VLDLR: variants seen among roughly 807,000 people sequenced by gnomAD.
The protein encoded by VLDLR is very low-density lipoprotein receptor.
A neutral mutation model predicts 112.7 loss-of-function variants in VLDLR; 81 were observed. The observed-to-expected ratio is 0.72, with a 90% CI of 0.60 to 0.86. The LOEUF (loss-of-function observed/expected upper bound fraction) is 0.86. Ranked by LOEUF, VLDLR falls within the 40% of genes least tolerant of loss-of-function variation. VLDLR has a pLI of 0.00. For synonymous variants in VLDLR, 436 were observed against 384.8 expected (o/e 1.13, Z -1.56); for missense variants, 1,237 against 1,099.4 (o/e 1.13, Z -1.77).
chr9:2,653,694 C>G, intron 18 of VLDLR, 139 bp from the exon 19 acceptor site: 4 of 858,302 alleles, frequency 4.7e-6, no homozygotes, highest in Non-Finnish European at 8.0e-6. Flanking sequence ...ACTCAGTATT[C>G]TTTTGTATCT....
intron 2 of VLDLR, 78 bp from the exon 3 acceptor site, chr9:2,639,781 T>C: frequency 8.1e-6 from 13 of 1,610,518 alleles, no homozygotes; most frequent in Non-Finnish European, 1.1e-5. Context: ...CATGCCAAAA[T>C]GCAGTATGAG....
At position 2,629,204 on chromosome 9, in the gene VLDLR, G is replaced by T. The variant is rs201128939; in HGVS notation, c.83-6249G>T. 2.6e-5 allele frequency among the ~76,000 whole-genome samples: 4 copies of T among 152,204 alleles called. No individual in the cohort carries two copies. The East Asian group carries it at 7.7e-4, about 29-fold the overall frequency. Reference sequence around the variant, plus strand: ...TTCCTGGGGATTCTGATGCACACGGGAGCTTGAGAACGACTGACTTAGTTT... The same window carrying T: ...TTCCTGGGGATTCTGATGCACACGGTAGCTTGAGAACGACTGACTTAGTTT... On this transcript the variant is annotated intron_variant, in intron 1 of 18. Transcript: ENST00000382100.
chr9:2,644,880 C>G, intron 8 of VLDLR, 27 bp downstream of exon 8: 1 of 1,614,098 alleles, frequency 6.2e-7, no homozygotes, highest in Non-Finnish European at 8.5e-7. Flanking sequence ...AACCTGGACC[C>G]TGCAGGTGAT....
At chr9:2,641,204 C>T (rs531906381) in intron 3 of VLDLR, among the ~76,000 whole-genome samples, 173 bp from the exon 4 acceptor site, 25 of 152,296 alleles carry the variant, frequency 1.6e-4, no homozygotes, top group African/African-American at 5.1e-4. Flanking sequence ...GTTGGCACAG[C>T]TTCTAAGGAG....
chr9:2,634,669 C>A (rs986975114), intron 1 of VLDLR, among the ~76,000 whole-genome samples: 1 of 152,234 alleles, frequency 6.6e-6, no homozygotes, highest in East Asian at 1.9e-4. Flanking sequence ...CTCCACCTCA[C>A]TTTCCTTTCC....
chr9:2,649,395 T>G (rs1818217414), intron 14 of VLDLR, among the ~76,000 whole-genome samples: 1 of 151,900 alleles, frequency 6.6e-6, no homozygotes, highest in African/African-American at 2.4e-5. Flanking sequence ...GCTTTCTTTC[T>G]TTTTCTGTTT....
chr9:2,635,593 CTT>C (rs1554619792), intron 2 of VLDLR, 21 bp downstream of exon 2: 6 of 1,613,706 alleles, frequency 3.7e-6, no homozygotes, highest in Non-Finnish European at 5.1e-6. Context: ...AGTTTGATGA[CTT>C]ATGCATTTTG....
At position 2,648,709 on chromosome 9, in the gene VLDLR, A is replaced by G. The variant is rs201696336; in HGVS notation, c.2003A>G (p.Tyr668Cys). ...YWIDGENEAV[Y>C]GANKFTGSEL... ...ATAGATGGGGAAAATGAAGCAGTCT[A>G]TGGTGCCAATAAATTCACTGGATCA... The change falls in exon 14 of 19, where the codon TAT becomes TGT. Residue 668 changes from tyrosine (Y) to cysteine (C), a missense_variant. Transcript: ENST00000382100. 26 of 1,614,082 alleles carry G rather than the reference A, an allele frequency of 1.6e-5. No individual in the cohort carries two copies. The highest frequency in any genetic ancestry group is 2.7e-5 in the African/African-American group (2 of 74,916).
At chr9:2,625,678 A>C (rs1168820753) in intron 1 of VLDLR, among the ~76,000 whole-genome samples, 1 of 152,202 alleles carries the variant, frequency 6.6e-6, no homozygotes, top group African/African-American at 2.4e-5. Context: ...ATAAATTCAA[A>C]ATTGCTTAGT....
chr9:2,627,829 C>G, intron 1 of VLDLR, among the ~76,000 whole-genome samples: 1 of 149,566 alleles, frequency 6.7e-6, no homozygotes, highest in Middle Eastern at 3.5e-3. Flanking sequence ...AACGCCACTG[C>G]ACTCCAGCCT....
Position 2,643,542 on chromosome 9 carries a change from T to C in VLDLR, c.820+11T>C. On this transcript the variant is annotated intron_variant, in intron 5 of 18. Transcript: ENST00000382100. Reference sequence around the variant, plus strand: ...ATGAGGTCAACTGTCGTAAGTAGCTTTCTAGCATGGCATGTTCAGTTCTCT... The same window carrying C: ...ATGAGGTCAACTGTCGTAAGTAGCTCTCTAGCATGGCATGTTCAGTTCTCT... 6.2e-7 allele frequency: 1 copy of C among 1,614,178 alleles called. No individual in the cohort carries two copies. The highest frequency in any genetic ancestry group is 8.5e-7 in the Non-Finnish European group (1 of 1,180,032).
At chr9:2,649,959 A>C (rs1818247875) in intron 14 of VLDLR, among the ~76,000 whole-genome samples, 1 of 152,120 alleles carries the variant, frequency 6.6e-6, no homozygotes, top group Non-Finnish European at 1.5e-5. Context: ...AAGCCTTCAA[A>C]CCTTCCTAAG....
intron 1 of VLDLR, among the ~76,000 whole-genome samples, chr9:2,633,346 A>G (rs1392827073): frequency 6.6e-6 from 1 of 152,092 alleles, no homozygotes; most frequent in Non-Finnish European, 1.5e-5. Flanking sequence ...CTTTAAGGCA[A>G]TAGTAGAGTA....
At chr9:2,644,153 G>GTTTTTTTT (rs59793046) in intron 7 of VLDLR, among the ~76,000 whole-genome samples, 194 bp downstream of exon 7, 36 of 96,356 alleles carry the variant, frequency 3.7e-4, no homozygotes, top group Admixed American at 6.6e-4. Context: ...TGTTTTTGTT[G>GTTTTTTTT]TTTTTTTTTT....
chr9:2,642,640 T>C (rs1387344195), intron 4 of VLDLR, among the ~76,000 whole-genome samples: 1 of 152,194 alleles, frequency 6.6e-6, no homozygotes, highest in Non-Finnish European at 1.5e-5. Context: ...TTTTTCAAAA[T>C]GGAAAGTGTT....
At chr9:2,629,890 A>T (rs1337219336) in intron 1 of VLDLR, among the ~76,000 whole-genome samples, 1 of 152,166 alleles carries the variant, frequency 6.6e-6, no homozygotes, top group African/African-American at 2.4e-5. Context: ...TCTACCTCCC[A>T]GGTTCAAACA....
chr9:2,637,062 A>C (rs980428107), intron 2 of VLDLR, among the ~76,000 whole-genome samples: 2 of 152,236 alleles, frequency 1.3e-5, no homozygotes, highest in African/African-American at 4.8e-5. Flanking sequence ...ATGTATATCT[A>C]ATCAAGATCA....
intron 10 of VLDLR, 56 bp from the exon 11 acceptor site, chr9:2,646,278 C>T: frequency 6.3e-7 from 1 of 1,577,362 alleles, no homozygotes; most frequent in Non-Finnish European, 8.7e-7. Context: ...AAAGTCCATT[C>T]TCCAAGCTCT....
Position 2,647,497 on chromosome 9 carries a change from G to A in VLDLR, c.1727G>A (p.Gly576Asp). 1.2e-6 allele frequency: 2 copies of A among 1,614,092 alleles called. No individual in the cohort carries two copies. The highest frequency in any genetic ancestry group is 1.7e-6 in the Non-Finnish European group (2 of 1,179,962). Residue 576 changes from glycine (G) to aspartate (D), a missense_variant, in exon 12 of 19, where the codon GGT (glycine) becomes GAT (aspartate). Transcript: ENST00000382100. The part of the protein sequence containing the change: ...LSGFVYWSDW[G>D]EPAKIEKAGM... ...AGCTTTGTTTACTGGTCAGACTGGGGTGAACCAGCTAAAATAGAAAAAGCA... is the reference window on the plus strand; with the variant it reads ...AGCTTTGTTTACTGGTCAGACTGGGATGAACCAGCTAAAATAGAAAAAGCA...
Sources: gnomAD v4.1 joint callset for allele counts (sites outside exome capture counted in the v4.1 genomes callset) on GRCh38, gnomAD v4.1.1 for gene constraint, MANE v1.5 for transcripts, NCBI Gene and HGNC (gene_info 2026-07-23, HGNC 2026-07-21) for gene names.